R3HDM1: variants seen among roughly 807,000 people sequenced by gnomAD.
R3HDM1 encodes the protein R3H domain containing 1, also known as R3H domain-containing protein 1.
A neutral mutation model predicts 141.1 loss-of-function variants in R3HDM1; 46 were observed. That is an observed-to-expected ratio of 0.33 (90% CI 0.26 to 0.42). The LOEUF (loss-of-function observed/expected upper bound fraction) is 0.42, where lower values mean the gene tolerates loss of function less well. Ranked by LOEUF, R3HDM1 falls within the 10% of genes least tolerant of loss-of-function variation. The probability of loss-of-function intolerance (pLI) is 1.00; values close to 1 mark genes in which losing one functional copy is unlikely to be tolerated. For synonymous variants in R3HDM1, 435 were observed against 472.9 expected (o/e 0.92, Z 1.04); for missense variants, 1,184 against 1,368.3 (o/e 0.87, Z 2.12).
At chr2:135,663,157 A>T (rs1574834110) in intron 19 of R3HDM1, among the ~76,000 whole-genome samples, 1 of 129,332 alleles carries the variant, frequency 7.7e-6, no homozygotes, top group South Asian at 2.2e-4. Context: ...AAAAAAAAAT[A>T]TGACACTTAA....
In R3HDM1 at chr2:135,645,443, A is replaced by G; in HGVS notation, c.1539A>G (p.Pro513=). ...ATAATCCTCCTATGACTCAACAACC[A>G]GTTAGATCCCAAGTGCCTGGACCTC... The part of the protein sequence containing the change: ...VVYNPPMTQQ[P]VRSQVPGPPQ... Residue 513 remains proline (P), a synonymous_variant, in exon 16 of 27, where the codon CCA becomes CCG. Transcript: ENST00000683871. The G allele has an allele frequency of 6.2e-7, 1 of 1,613,384 alleles. No individual in the cohort carries two copies. The highest frequency in any genetic ancestry group is 8.5e-7 in the Non-Finnish European group (1 of 1,179,322).
chr2:135,657,702 G>A (rs1266047789), intron 18 of R3HDM1, among the ~76,000 whole-genome samples: 1 of 152,082 alleles, frequency 6.6e-6, no homozygotes, highest in East Asian at 1.9e-4. Flanking sequence ...ATGTGAGTGA[G>A]CCCATGACAC....
chr2:135,546,026 G>A (rs749003884), intron 1 of R3HDM1, among the ~76,000 whole-genome samples: 1 of 152,214 alleles, frequency 6.6e-6, no homozygotes, highest in African/African-American at 2.4e-5. Context: ...TCAGAATAGG[G>A]GAAGAGGAGA....
Position 135,715,720 on chromosome 2 carries a change from A to G in R3HDM1, c.2881+26A>G, listed in dbSNP as rs983241343. 10 of 1,592,988 alleles carry G rather than the reference A, an allele frequency of 6.3e-6. No homozygotes were observed. The African/African-American group carries it at 8.1e-5, about 13-fold the overall frequency. On this transcript the variant is annotated intron_variant, in intron 24 of 26. Transcript: ENST00000683871. ...GTAAGTGCACATGAAACTAGTCACA[A>G]CTTCAGAGAATTTAAGACATCCATT...
intron 1 of R3HDM1, chr2:135,586,259 A>G (rs1422016180): frequency 6.6e-6 from 1 of 152,436 alleles, no homozygotes; most frequent in Non-Finnish European, 1.5e-5. Flanking sequence ...TGCATTTCAG[A>G]TATTCTGGGT....
At chr2:135,680,141 T>C in intron 20 of R3HDM1, 32 bp from the exon 21 acceptor site, 1 of 1,601,082 alleles carries the variant, frequency 6.2e-7, no homozygotes, top group Non-Finnish European at 8.5e-7. Context: ...GAAAAAAACC[T>C]TTTTCTCTTG....
At chr2:135,601,999 G>T (rs2059659863) in intron 1 of R3HDM1, among the ~76,000 whole-genome samples, 1 of 147,458 alleles carries the variant, frequency 6.8e-6, no homozygotes, top group Non-Finnish European at 1.5e-5. Flanking sequence ...AACAGACAAT[G>T]TGGGTTTCAT....
chr2:135,535,341 A>T (rs1334676840), intron 1 of R3HDM1, among the ~76,000 whole-genome samples: 1 of 152,204 alleles, frequency 6.6e-6, no homozygotes, highest in East Asian at 1.9e-4. Flanking sequence ...TCTACTAAAA[A>T]TACAAAAATT....
At chr2:135,621,268 G>A (rs2061489340) in intron 5 of R3HDM1, among the ~76,000 whole-genome samples, 2 of 151,904 alleles carry the variant, frequency 1.3e-5, no homozygotes, top group Admixed American at 1.3e-4. Flanking sequence ...TTGAGGATTT[G>A]TTTTAATTGA....
chr2:135,679,849 G>A (rs985176289), intron 20 of R3HDM1, among the ~76,000 whole-genome samples: 6 of 152,192 alleles, frequency 3.9e-5, no homozygotes, highest in South Asian at 2.1e-4. Flanking sequence ...GGAAGCCAAG[G>A]TGGGCGGATC....
intron 1 of R3HDM1, chr2:135,534,014 T>G (rs978791509): frequency 7.1e-6 from 7 of 985,246 alleles, no homozygotes; most frequent in Admixed American, 6.1e-5. Flanking sequence ...GCTGAGGGTG[T>G]TGTTGCAGCC....
Position 135,675,449 on chromosome 2 carries a change from G to T in R3HDM1, c.2270G>T (p.Gly757Val). The change falls in exon 20 of 27, where the codon GGA becomes GTA. Residue 757 changes from glycine to valine, a missense_variant. Physicochemically the swap from Gly to Val is moderately radical, Grantham distance 109. Transcript: ENST00000683871. ...QPNSIGNQIQ[G>V]VVIPYTSVPT... ...AACAGCATTGGAAATCAGATTCAAG[G>T]AGTGGTCATCCCCTATACTTCAGTG... The T allele has an allele frequency of 6.2e-7, 1 of 1,613,966 alleles. No homozygotes were observed. The highest frequency in any genetic ancestry group is 8.5e-7 in the Non-Finnish European group (1 of 1,179,906).
At chr2:135,562,171 TTCTC>T (rs1159866840) in intron 1 of R3HDM1, among the ~76,000 whole-genome samples, 2 of 152,232 alleles carry the variant, frequency 1.3e-5, no homozygotes, top group African/African-American at 2.4e-5. Context: ...TAAATTTTCT[TTCTC>T]TATCTTCACA....
chr2:135,620,386 C>A, intron 5 of R3HDM1: 1 of 838,476 alleles, frequency 1.2e-6, no homozygotes, highest in Non-Finnish European at 1.4e-6. Flanking sequence ...AGAAAAATTA[C>A]TTACTGGTTG....
intron 11 of R3HDM1, 140 bp from the exon 12 acceptor site, chr2:135,638,478 T>G: frequency 2.5e-6 from 2 of 799,340 alleles, no homozygotes; most frequent in Non-Finnish European, 3.8e-6. Flanking sequence ...AAAAATTCCA[T>G]TATTATTTAT....
chr2:135,563,856 C>T (rs1220761267), intron 1 of R3HDM1, among the ~76,000 whole-genome samples: 3 of 152,178 alleles, frequency 2.0e-5, no homozygotes, highest in Non-Finnish European at 4.4e-5. Context: ...GCTCAGTGTT[C>T]TGCAGGCTGT....
intron 21 of R3HDM1, among the ~76,000 whole-genome samples, chr2:135,691,641 A>G (rs973011056): frequency 1.3e-5 from 2 of 151,930 alleles, no homozygotes; most frequent in African/African-American, 4.8e-5. Context: ...TAAATTAAAT[A>G]TATAAGCTGG....
At chr2:135,590,792 A>AGAT (rs1265536681) in intron 1 of R3HDM1, 7 of 919,726 alleles carry the variant, frequency 7.6e-6, no homozygotes, top group Non-Finnish European at 9.1e-6. Flanking sequence ...GTATGAAGGC[A>AGAT]GATGATGGCA....
Position 135,724,490 on chromosome 2 carries a change from A to G in R3HDM1, c.*198A>G, listed in dbSNP as rs116610856. 291 of 513,816 alleles carry G rather than the reference A, an allele frequency of 5.7e-4. No individual in the cohort carries two copies. The highest frequency in any genetic ancestry group is 5.2e-3 in the African/African-American group (276 of 52,658). The allele number at this position is 513,816 out of a possible 1,614,324, so 31.8% of individuals were successfully genotyped here. On this transcript the variant is annotated 3_prime_UTR_variant, in exon 27 of 27. Transcript: ENST00000683871. The stretch of plus-strand genomic sequence containing the variant: ...TCACCCCACATGACTAGGAATCCAC[A>G]TCAGAATGATACAGAGTTAGCAGGT...
Sources: allele counts gnomAD v4.1 joint callset (sites outside exome capture counted in the v4.1 genomes callset), GRCh38; gene constraint gnomAD v4.1.1; transcripts MANE v1.5; gene names NCBI Gene and HGNC (gene_info 2026-07-23, HGNC 2026-07-21).